Variants in ACTN4 observed in about 807,000 individuals in gnomAD.
ACTN4 encodes alpha-actinin-4.
In ACTN4, 18 loss-of-function variants were observed where a neutral mutation model predicts 114.2. The observed-to-expected ratio is 0.16, with a 90% CI of 0.11 to 0.23. The LOEUF (loss-of-function observed/expected upper bound fraction) is 0.23, where lower values mean the gene tolerates loss of function less well. ACTN4 is among the 10% of genes least tolerant of loss of function. The pLI, the probability that ACTN4 is intolerant of heterozygous loss-of-function variation, is 1.00. For missense variants in ACTN4, 722 were observed against 1,262.9 expected, an observed-to-expected ratio of 0.57 and a Z score of 6.49; for synonymous variants, 515 against 506.3, an observed-to-expected ratio of 1.02 and a Z score of -0.23.
At chr19:38,693,001 T>C (rs898078618) in intron 1 of ACTN4, among the ~76,000 whole-genome samples, 1 of 151,920 alleles carries the variant, frequency 6.6e-6, no homozygotes, top group Non-Finnish European at 1.5e-5. Context: ...GTACCTGGGG[T>C]TGGGGCTGGC....
chr19:38,723,279 C>A (rs1226153637), intron 12 of ACTN4, among the ~76,000 whole-genome samples: 4 of 152,212 alleles, frequency 2.6e-5, no homozygotes, highest in Non-Finnish European at 5.9e-5. Flanking sequence ...GCCCCCTACC[C>A]CTCCTCAGGC....
Position 38,727,073 on chromosome 19 carries a change from G to T in ACTN4, c.2307G>T (p.Glu769Asp). The T allele has an allele frequency of 6.2e-7, 1 of 1,614,132 alleles. No individual in the cohort carries two copies. The stretch of plus-strand genomic sequence containing the variant: ...GCATCAGCCAGGAGCAGATGCAGGA[G>T]TTCCGGGCGTCCTTCAACCACTTCG... ...AKGISQEQMQ[E>D]FRASFNHFDK... Residue 769 changes from glutamate to aspartate, a missense_variant, in exon 18 of 21, where the codon GAG (glutamate) becomes GAT (aspartate). Glu to Asp is a conservative substitution (Grantham distance 45). This residue lies in a region of ACTN4 where 523 missense variants were observed against 875.9 expected (regional missense o/e 0.60). Transcript: ENST00000252699. The surrounding 1 kb of genome is among the most constrained non-coding windows in gnomAD (Gnocchi z 5.4).
At chr19:38,708,220 T>C (rs1568727295) in intron 6 of ACTN4, 25 bp downstream of exon 6, 3 of 1,613,156 alleles carry the variant, frequency 1.9e-6, no homozygotes, top group Non-Finnish European at 8.5e-7. Flanking sequence ...CTCCCCTTGA[T>C]GGCCCACAGA....
At chr19:38,648,891 G>A (rs1305559630) in intron 1 of ACTN4, among the ~76,000 whole-genome samples, 3 of 151,696 alleles carry the variant, frequency 2.0e-5, no homozygotes, top group Non-Finnish European at 2.9e-5. Flanking sequence ...TGGGAGGGAG[G>A]GTGAGCTGGA....
At chr19:38,684,564 C>T (rs1013355981) in intron 1 of ACTN4, among the ~76,000 whole-genome samples, 3 of 152,220 alleles carry the variant, frequency 2.0e-5, no homozygotes, top group African/African-American at 7.2e-5. Context: ...AGACAGCCAC[C>T]CCTTCATGCC....
chr19:38,689,231 G>C (rs1437063084), intron 1 of ACTN4, among the ~76,000 whole-genome samples: 2 of 152,158 alleles, frequency 1.3e-5, no homozygotes, highest in African/African-American at 4.8e-5. Flanking sequence ...CCATACAATG[G>C]AATGTTATTC....
intron 13 of ACTN4, 95 bp from the exon 14 acceptor site, chr19:38,723,842 A>C: frequency 6.7e-7 from 1 of 1,495,986 alleles, no homozygotes. Context: ...ATGTTCTCTG[A>C]CTCCTCAGGG....
At chr19:38,681,481 C>T (rs1345142173) in intron 1 of ACTN4, among the ~76,000 whole-genome samples, 1 of 152,224 alleles carries the variant, frequency 6.6e-6, no homozygotes. Context: ...TGACACCATC[C>T]CTGCCACTTC....
At chr19:38,722,711 T>TGGG (rs1316460717) in intron 12 of ACTN4, among the ~76,000 whole-genome samples, 2 of 151,938 alleles carry the variant, frequency 1.3e-5, no homozygotes, top group African/African-American at 4.8e-5. Flanking sequence ...CTCGGGGGTG[T>TGGG]GGGGGTGGGA....
At position 38,727,912 on chromosome 19, in the gene ACTN4, C is replaced by T; in HGVS notation, c.2338-34C>T. 2 of 1,609,014 alleles carry T rather than the reference C, an allele frequency of 1.2e-6. No homozygotes were observed. Among genetic ancestry groups the T allele is most frequent in the East Asian group, 2.2e-5 (1 of 44,736 alleles). On this transcript the variant is annotated intron_variant, in intron 18 of 20. Transcript: ENST00000252699. The surrounding 1 kb of genome is among the most constrained non-coding windows in gnomAD (Gnocchi z 5.4). ...CCTCATCCTGGTCTCCACGCCGCCCCTCCCGCACACCTGCCTTCGGATGGC... is the reference window on the plus strand; with the variant it reads ...CCTCATCCTGGTCTCCACGCCGCCCTTCCCGCACACCTGCCTTCGGATGGC...
chr19:38,683,481 C>G (rs148748783), intron 1 of ACTN4, among the ~76,000 whole-genome samples: 1 of 152,304 alleles, frequency 6.6e-6, no homozygotes, highest in Non-Finnish European at 1.5e-5. Flanking sequence ...GGGTCTGAGC[C>G]AGGCCTCCTA....
rs1313231271 is a variant in ACTN4, at chr19:38,729,094, C to T, written c.2517C>T (p.Thr839=). 1 of 1,613,372 alleles carries T rather than the reference C, an allele frequency of 6.2e-7. No individual in the cohort carries two copies. The highest frequency in any genetic ancestry group is 1.3e-5 in the African/African-American group (1 of 74,920). ...TCATCGACTTCATGTCGCGGGAGAC[C>T]ACCGACACGGACACGGCTGACCAGG... ...QAFIDFMSRE[T]TDTDTADQVI... is the part of the protein sequence containing the mutation. The change falls in exon 20 of 21, where the codon ACC becomes ACT. Residue 839 remains threonine (T), a synonymous_variant. Coordinates refer to ENST00000252699, the MANE Select transcript of ACTN4 (RefSeq NM_004924.6).
chr19:38,682,621 G>T (rs560966518), intron 1 of ACTN4, among the ~76,000 whole-genome samples: 79 of 152,286 alleles, frequency 5.2e-4, no homozygotes, highest in African/African-American at 1.9e-3. Context: ...TCCACACACG[G>T]CCACTGGGAT....
At chr19:38,651,850 G>C (rs1486988316) in intron 1 of ACTN4, among the ~76,000 whole-genome samples, 4 of 151,966 alleles carry the variant, frequency 2.6e-5, no homozygotes, top group African/African-American at 4.8e-5. Context: ...TCCTGCCTCA[G>C]CCTCCTGAGT....
At chr19:38,683,762 T>C (rs987649534) in intron 1 of ACTN4, 3 of 152,176 alleles carry the variant, frequency 2.0e-5, no homozygotes, top group Non-Finnish European at 4.4e-5. Flanking sequence ...ACTCCTTGGA[T>C]TACTTTTTAC....
chr19:38,712,949 CTGGCCCCTCTCTGAGGGGGTAG>C (rs138774255), intron 8 of ACTN4, among the ~76,000 whole-genome samples: 8,588 of 152,172 alleles, frequency 0.056, 260 homozygotes, highest in South Asian at 0.096. Context: ...AGGCTTGTCA[CTGGCCCCTCTCTGAGGGGGTAG>C]TGGAGGCCCG....
chr19:38,693,309 C>T (rs1331805405), intron 1 of ACTN4, among the ~76,000 whole-genome samples: 1 of 152,174 alleles, frequency 6.6e-6, no homozygotes, highest in Non-Finnish European at 1.5e-5. Flanking sequence ...TTTCTAGGCC[C>T]AAAGCGACTT....
Position 38,717,471 on chromosome 19 carries a change from A to G in ACTN4, c.1143+155A>G, listed in dbSNP as rs527748155. On this transcript the variant is annotated intron_variant, in intron 10 of 20. Transcript: ENST00000252699. The surrounding 1 kb of genome is among the most constrained non-coding windows in gnomAD (Gnocchi z 4.0). ...GGATGCAGTGGTCGGGGAGGGGTGC[A>G]CTTCACTCGGCATTGTGCTCCCCTT... Among the ~76,000 whole-genome samples, 3 of 152,180 alleles carry G rather than the reference A, an allele frequency of 2.0e-5. No individual in the cohort carries two copies. Among genetic ancestry groups the G allele is most frequent in the South Asian group, 4.1e-4 (2 of 4,824 alleles).
chr19:38,725,604 G>C (rs1373099935), intron 16 of ACTN4, 120 bp from the exon 17 acceptor site: 4 of 1,146,068 alleles, frequency 3.5e-6, no homozygotes, highest in Non-Finnish European at 5.0e-6. Flanking sequence ...CATGGGCCAA[G>C]GCCCCAGGCC....
Sources: allele counts gnomAD v4.1 joint callset (sites outside exome capture counted in the v4.1 genomes callset), GRCh38; gene constraint gnomAD v4.1.1; regional missense constraint gnomAD v4.1.1; non-coding constraint Gnocchi (gnomAD v3.1); transcripts MANE v1.5; gene names NCBI Gene and HGNC (gene_info 2026-07-23, HGNC 2026-07-21).